THSD7B: variants seen among roughly 807,000 people sequenced by gnomAD.
The protein encoded by THSD7B is thrombospondin type-1 domain-containing protein 7B.
THSD7B carries 138 observed loss-of-function variants against 213.6 expected under a neutral mutation model. The observed-to-expected ratio is 0.65, with a 90% CI of 0.56 to 0.74. THSD7B has a LOEUF of 0.74. Ranked by LOEUF, THSD7B falls within the 30% of genes least tolerant of loss-of-function variation. The probability of loss-of-function intolerance (pLI) is 0.00; values close to 1 mark genes in which losing one functional copy is unlikely to be tolerated. For synonymous variants in THSD7B, 742 were observed against 687.0 expected, an observed-to-expected ratio of 1.08 and a Z score of -1.25; for missense variants, 1,931 against 1,991.5, an observed-to-expected ratio of 0.97 and a Z score of 0.58.
chr2:137,333,532 T>C (rs1296427060), intron 12 of THSD7B, among the ~76,000 whole-genome samples: 2 of 152,210 alleles, frequency 1.3e-5, no homozygotes, highest in Admixed American at 6.5e-5. Context: ...CTCATTGCTC[T>C]CTTTAACCTC....
chr2:137,136,181 G>A (rs941576642), intron 5 of THSD7B, among the ~76,000 whole-genome samples: 1 of 152,114 alleles, frequency 6.6e-6, no homozygotes, highest in Non-Finnish European at 1.5e-5. Flanking sequence ...GATAGCATTA[G>A]GAGAAATATT....
intron 15 of THSD7B, among the ~76,000 whole-genome samples, chr2:137,554,300 TTA>T (rs1680907302): frequency 6.6e-6 from 1 of 152,118 alleles, no homozygotes; most frequent in Admixed American, 6.5e-5. Flanking sequence ...CCCCTTCACC[TTA>T]TGTCTTGCGA....
intron 3 of THSD7B, among the ~76,000 whole-genome samples, chr2:137,081,873 G>T (rs1687753101): frequency 6.6e-6 from 1 of 152,064 alleles, no homozygotes; most frequent in Admixed American, 6.6e-5. Context: ...TTGATTTATG[G>T]ATGTTGTTGC....
At chr2:137,557,188 A>G (rs1012435914) in intron 15 of THSD7B, among the ~76,000 whole-genome samples, 14 of 152,298 alleles carry the variant, frequency 9.2e-5, no homozygotes, top group African/African-American at 3.4e-4. Flanking sequence ...TGCACCAAGC[A>G]GACCTAATAG....
chr2:137,075,858 C>T (rs1687609829), intron 3 of THSD7B, among the ~76,000 whole-genome samples: 1 of 152,218 alleles, frequency 6.6e-6, no homozygotes, highest in Non-Finnish European at 1.5e-5. Flanking sequence ...CCACTCCAGA[C>T]ACTGTTTGCC....
At chr2:137,472,614 G>A (rs1688113878) in intron 15 of THSD7B, among the ~76,000 whole-genome samples, 1 of 152,164 alleles carries the variant, frequency 6.6e-6, no homozygotes, top group Admixed American at 6.6e-5. Context: ...GGTTGTTTTA[G>A]TAAAGGATAT....
At chr2:137,200,367 A>G (rs1680850257) in intron 7 of THSD7B, among the ~76,000 whole-genome samples, 1 of 152,084 alleles carries the variant, frequency 6.6e-6, no homozygotes. Context: ...AATTTATGTA[A>G]ATACTTTACT....
chr2:137,230,496 C>T (rs547573584), intron 7 of THSD7B, among the ~76,000 whole-genome samples: 30 of 152,004 alleles, frequency 2.0e-4, no homozygotes, highest in African/African-American at 3.6e-4. Flanking sequence ...TATGTCAACA[C>T]GTTATATAAT....
At chr2:136,958,701 C>G (rs961986091) in intron 2 of THSD7B, among the ~76,000 whole-genome samples, 1 of 152,158 alleles carries the variant, frequency 6.6e-6, no homozygotes, top group Non-Finnish European at 1.5e-5. Flanking sequence ...TTACCTTATT[C>G]TGAGCATTGT....
At chr2:136,784,040 ATG>A (rs1681793838) in intron 1 of THSD7B, among the ~76,000 whole-genome samples, 1 of 152,216 alleles carries the variant, frequency 6.6e-6, no homozygotes, top group Non-Finnish European at 1.5e-5. Context: ...TGTTCTAAGA[ATG>A]TGTGTCGTGA....
intron 24 of THSD7B, among the ~76,000 whole-genome samples, chr2:137,658,752 T>C (rs1006938108): frequency 6.6e-6 from 1 of 152,242 alleles, no homozygotes; most frequent in African/African-American, 2.4e-5. Context: ...AGTGAGAATT[T>C]AGCTGCTTCA....
At chr2:137,411,443 G>T (rs1244166087) in intron 13 of THSD7B, among the ~76,000 whole-genome samples, 166 bp from the exon 14 acceptor site, 4 of 152,122 alleles carry the variant, frequency 2.6e-5, no homozygotes, top group Non-Finnish European at 5.9e-5. Flanking sequence ...GTTGTTCTGG[G>T]AGTTGTTTCC....
chr2:137,206,651 A>T (rs1680990460), intron 7 of THSD7B, among the ~76,000 whole-genome samples: 1 of 152,044 alleles, frequency 6.6e-6, no homozygotes, highest in African/African-American at 2.4e-5. Flanking sequence ...GGGAATAGAG[A>T]AAGACCATAA....
chr2:137,554,663 A>T (rs1680916569), intron 15 of THSD7B, among the ~76,000 whole-genome samples: 1 of 152,120 alleles, frequency 6.6e-6, no homozygotes, highest in South Asian at 2.1e-4. Flanking sequence ...CAACTGAGGT[A>T]CCAGGTTCAT....
chr2:137,526,398 T>TTTGTTG (rs371113805), intron 15 of THSD7B, among the ~76,000 whole-genome samples: 23 of 151,592 alleles, frequency 1.5e-4, no homozygotes, highest in Non-Finnish European at 2.8e-4. Flanking sequence ...AAGTTTAGGG[T>TTTGTTG]TTGTTGTTGT....
At chr2:136,914,811 G>A (rs984516613) in intron 2 of THSD7B, among the ~76,000 whole-genome samples, 3 of 151,944 alleles carry the variant, frequency 2.0e-5, no homozygotes, top group Non-Finnish European at 4.4e-5. Context: ...GCATGAAAAC[G>A]GACTAATACA....
intron 21 of THSD7B, among the ~76,000 whole-genome samples, chr2:137,652,741 C>T (rs1369841417): frequency 2.6e-5 from 4 of 152,032 alleles, no homozygotes; most frequent in East Asian, 1.9e-4. Context: ...ATGGTTACCA[C>T]GAAGCTTACA....
At chr2:137,356,368 C>T (rs192010780) in intron 12 of THSD7B, among the ~76,000 whole-genome samples, 17 of 152,234 alleles carry the variant, frequency 1.1e-4, no homozygotes, top group African/African-American at 3.6e-4. Context: ...AATTCTCAAA[C>T]ACCAAGCATC....
intron 5 of THSD7B, among the ~76,000 whole-genome samples, chr2:137,159,953 C>G (rs1399619234): frequency 6.6e-6 from 1 of 152,120 alleles, no homozygotes; most frequent in Non-Finnish European, 1.5e-5. Context: ...CCAGTTCTCT[C>G]TTAGATTCCC....
Sources: gnomAD v4.1 joint callset for allele counts (sites outside exome capture counted in the v4.1 genomes callset) on GRCh38, gnomAD v4.1.1 for gene constraint, MANE v1.5 for transcripts, NCBI Gene and HGNC (gene_info 2026-07-23, HGNC 2026-07-21) for gene names.